SLC8A1: variants seen among roughly 807,000 people sequenced by gnomAD.
SLC8A1 encodes the protein solute carrier family 8 member A1, also known as sodium/calcium exchanger 1.
A neutral mutation model predicts 68.3 loss-of-function variants in SLC8A1; 18 were observed. That is an observed-to-expected ratio of 0.26 (90% CI 0.18 to 0.39). The LOEUF (loss-of-function observed/expected upper bound fraction) is 0.39, where lower values mean the gene tolerates loss of function less well. Among genes scored for constraint, SLC8A1 ranks in the 10% least tolerant of loss-of-function variants. The probability of loss-of-function intolerance (pLI) is 1.00; values close to 1 mark genes in which losing one functional copy is unlikely to be tolerated. For synonymous variants in SLC8A1, 475 were observed against 415.5 expected, an observed-to-expected ratio of 1.14 and a Z score of -1.74; for missense variants, 985 against 1,156.7, an observed-to-expected ratio of 0.85 and a Z score of 2.15.
intron 2 of SLC8A1, among the ~76,000 whole-genome samples, chr2:40,307,853 T>C (rs1239534028): frequency 6.6e-6 from 1 of 152,172 alleles, no homozygotes; most frequent in African/African-American, 2.4e-5. Context: ...TAATTCTATG[T>C]AGGCTGCCCT....
intron 2 of SLC8A1, among the ~76,000 whole-genome samples, chr2:40,359,815 C>G (rs1427789106): frequency 6.6e-6 from 1 of 151,804 alleles, no homozygotes; most frequent in Non-Finnish European, 1.5e-5. Flanking sequence ...CAAGTGTGTG[C>G]TTTACATAGG....
At chr2:40,361,363 T>A (rs1674565425) in intron 2 of SLC8A1, among the ~76,000 whole-genome samples, 1 of 152,156 alleles carries the variant, frequency 6.6e-6, no homozygotes, top group Non-Finnish European at 1.5e-5. Flanking sequence ...ATTGCTATGA[T>A]TTGGAAGATC....
upstream of SLC8A1, among the ~76,000 whole-genome samples, chr2:40,455,553 T>C (rs1180330514): frequency 9.0e-6 from 1 of 111,480 alleles, no homozygotes; most frequent in Non-Finnish European, 2.1e-5. Flanking sequence ...GAAAATGTTA[T>C]TACATAATAG....
intron 2 of SLC8A1, among the ~76,000 whole-genome samples, chr2:40,195,249 T>C (rs941210180): frequency 1.3e-5 from 2 of 152,052 alleles, no homozygotes; most frequent in South Asian, 2.1e-4. Context: ...GAAGAACACA[T>C]GTGATATGCA....
At chr2:40,411,627 AAAC>A (rs892021339) in intron 2 of SLC8A1, among the ~76,000 whole-genome samples, 3 of 151,994 alleles carry the variant, frequency 2.0e-5, no homozygotes, top group Non-Finnish European at 4.4e-5. Context: ...AAACAAAAAC[AAAC>A]AATAGGGGCC....
chr2:40,396,767 A>C (rs1330644244), intron 2 of SLC8A1, among the ~76,000 whole-genome samples: 9 of 147,690 alleles, frequency 6.1e-5, no homozygotes, highest in East Asian at 3.9e-4. Flanking sequence ...AAAAAAAAAA[A>C]AAAAAAAAAA....
Position 40,339,290 on chromosome 2 carries a change from T to C in SLC8A1, c.1808+89183A>G, listed in dbSNP as rs529650569. Among the ~76,000 whole-genome samples the C allele has an allele frequency of 3.9e-5, 6 of 152,288 alleles. No individual in the cohort carries two copies. The South Asian group carries it at 1.2e-3, about 32-fold the overall frequency. ...GAGTATTCTGTTTAAAGATGACCAG[T>C]GATTAGATAAAGGTAATGTGCATTC... is the stretch of plus-strand genomic sequence containing the variant. On this transcript the variant is annotated intron_variant, in intron 2 of 7. Transcript: ENST00000406785.
exon 7 of SLC8A1, chr2:40,139,463 G>A (rs2041153559): frequency 6.2e-7 from 1 of 1,614,140 alleles, no homozygotes; most frequent in Non-Finnish European, 8.5e-7. Flanking sequence ...CAGGCCAATG[G>A]TGCAGCCAAA....
chr2:40,164,892 T>C (rs1171425326), exon 5 of SLC8A1: 1 of 1,613,854 alleles, frequency 6.2e-7, no homozygotes, highest in Non-Finnish European at 8.5e-7. Context: ...ACTTCCAACT[T>C]GGTGTGCTCT....
chr2:40,492,631 C>G (rs538269930), intron 1 of SLC8A1, among the ~76,000 whole-genome samples: 2 of 149,854 alleles, frequency 1.3e-5, no homozygotes, highest in East Asian at 3.9e-4. Context: ...CTACAATGAA[C>G]TCAAACAAAT....
chr2:40,156,686 AAAC>A (rs1251319548), intron 6 of SLC8A1, among the ~76,000 whole-genome samples: 4 of 152,146 alleles, frequency 2.6e-5, no homozygotes, highest in Non-Finnish European at 4.4e-5. Context: ...GAAAAAAAAA[AAAC>A]ATTTCTATTT....
At chr2:40,239,179 T>G (rs115085151) in intron 2 of SLC8A1, among the ~76,000 whole-genome samples, 1 of 152,184 alleles carries the variant, frequency 6.6e-6, no homozygotes, top group Non-Finnish European at 1.5e-5. Context: ...ATGTCAATCA[T>G]GCAAAAAGGG....
intron 1 of SLC8A1, among the ~76,000 whole-genome samples, chr2:40,496,224 G>A (rs1705691267): frequency 6.6e-6 from 1 of 152,088 alleles, no homozygotes; most frequent in Non-Finnish European, 1.5e-5. Context: ...CAGATTACTT[G>A]GCTAGATTTA....
chr2:40,310,630 A>C (rs1368142187), intron 2 of SLC8A1, among the ~76,000 whole-genome samples: 1 of 152,122 alleles, frequency 6.6e-6, no homozygotes, highest in Non-Finnish European at 1.5e-5. Context: ...ATTTAGAGCT[A>C]TATTCTTTAG....
chr2:40,370,003 G>C (rs1389572047), intron 2 of SLC8A1, among the ~76,000 whole-genome samples: 1 of 152,116 alleles, frequency 6.6e-6, no homozygotes, highest in African/African-American at 2.4e-5. Context: ...AGAAGATGGA[G>C]AGAAGTTGAG....
At chr2:40,336,977 T>C (rs921871403) in intron 2 of SLC8A1, among the ~76,000 whole-genome samples, 2 of 152,198 alleles carry the variant, frequency 1.3e-5, no homozygotes, top group African/African-American at 2.4e-5. Context: ...ATGTACCAAA[T>C]TGATATTCAG....
intron 2 of SLC8A1, among the ~76,000 whole-genome samples, chr2:40,219,916 C>T (rs1412225668): frequency 6.4e-5 from 1 of 15,636 alleles, no homozygotes; most frequent in African/African-American, 1.6e-4. Flanking sequence ...AAAATCAATA[C>T]ATCTTTCTGT....
intron 1 of SLC8A1, among the ~76,000 whole-genome samples, chr2:40,449,889 A>AT (rs558126372): frequency 2.8e-3 from 419 of 152,186 alleles, no homozygotes; most frequent in African/African-American, 9.0e-3. Flanking sequence ...GGAATTAATC[A>AT]TTTTTTTAAA....
At chr2:40,503,704 A>T (rs1036395216) in intron 1 of SLC8A1, among the ~76,000 whole-genome samples, 2 of 152,074 alleles carry the variant, frequency 1.3e-5, no homozygotes, top group African/African-American at 2.4e-5. Flanking sequence ...TCCCATTTAT[A>T]TTAGCCACAC....
Sources: allele counts gnomAD v4.1 joint callset (sites outside exome capture counted in the v4.1 genomes callset), GRCh38; gene constraint gnomAD v4.1.1; transcripts MANE v1.5; gene names NCBI Gene and HGNC (gene_info 2026-07-23, HGNC 2026-07-21).